The following ADAM29 variants were observed in gnomAD, a reference collection of about 807,000 sequenced individuals.
The protein encoded by ADAM29 is ADAM metallopeptidase domain 29.
For missense variants in ADAM29, 969 were observed against 1,001.8 expected (o/e 0.97, Z 0.44); for synonymous variants, 367 against 342.3 (o/e 1.07, Z -0.80).
intron 4 of ADAM29, among the ~76,000 whole-genome samples, chr4:174,956,687 G>C (rs1745524447): frequency 1.3e-5 from 2 of 151,848 alleles, no homozygotes; most frequent in South Asian, 2.1e-4. Flanking sequence ...TACTAAGCAT[G>C]CTTCATGTGT....
chr4:174,928,432 G>A, intron 2 of ADAM29, among the ~76,000 whole-genome samples: 1 of 151,864 alleles, frequency 6.6e-6, no homozygotes, highest in Non-Finnish European at 1.5e-5. Context: ...AGTGAAGGGG[G>A]GTTTGTCTTT....
At chr4:174,919,142 T>G (rs1050967706) in intron 1 of ADAM29, among the ~76,000 whole-genome samples, 2 of 152,172 alleles carry the variant, frequency 1.3e-5, no homozygotes, top group African/African-American at 2.4e-5. Context: ...ATCCATCTAA[T>G]TACTTGTTTT....
chr4:174,965,484 C>CTATCT (rs1553977726), intron 4 of ADAM29, among the ~76,000 whole-genome samples: 63 of 147,200 alleles, frequency 4.3e-4, no homozygotes, highest in South Asian at 2.2e-3. Flanking sequence ...CTCTATCTAT[C>CTATCT]ATCTATCTAT....
chr4:174,932,526 T>C (rs879591035), intron 3 of ADAM29, among the ~76,000 whole-genome samples: 5 of 152,098 alleles, frequency 3.3e-5, no homozygotes, highest in Non-Finnish European at 5.9e-5. Context: ...ATCCCATTCA[T>C]AGGGCCACAG....
intron 4 of ADAM29, among the ~76,000 whole-genome samples, chr4:174,967,830 C>T (rs1330770641): frequency 2.6e-5 from 4 of 152,126 alleles, no homozygotes; most frequent in Admixed American, 6.6e-5. Context: ...CAAAAACAAT[C>T]GCACAAACTG....
At chr4:174,956,529 AAGAG>A (rs1239378533) in intron 4 of ADAM29, among the ~76,000 whole-genome samples, 4 of 151,380 alleles carry the variant, frequency 2.6e-5, no homozygotes, top group Admixed American at 2.0e-4. Flanking sequence ...AGAGAAAAAA[AAGAG>A]AGAGAATAAT....
rs1746817653 is a variant in ADAM29 at position 174,976,579 on chromosome 4, C to T, written c.1054C>T (p.Pro352Ser). ...TGAGGATACATGTCGTTGTTCACAA[C>T]CTAGATGCATAATGCATGAAGGCAA... ...HDEDTCRCSQ[P>S]RCIMHEGNPP... The change falls in exon 5 of 5, where the codon CCT becomes TCT. Residue 352 changes from proline (P) to serine (S), a missense_variant. Coordinates refer to ENST00000359240, the MANE Select transcript of ADAM29 (RefSeq NM_014269.4). 3 of 1,602,974 alleles carry T rather than the reference C, an allele frequency of 1.9e-6. No individual in the cohort carries two copies. The highest frequency in any genetic ancestry group is 2.2e-5 in the East Asian group (1 of 44,830).
chr4:174,961,745 C>A (rs1418454179), intron 4 of ADAM29, among the ~76,000 whole-genome samples: 1 of 152,038 alleles, frequency 6.6e-6, no homozygotes, highest in Non-Finnish European at 1.5e-5. Context: ...TATATGCTAA[C>A]AGCAATTCTT....
intron 4 of ADAM29, among the ~76,000 whole-genome samples, chr4:174,959,516 T>TTGCCTTTGGGTAGA: frequency 6.6e-6 from 1 of 151,120 alleles, no homozygotes; most frequent in Non-Finnish European, 1.5e-5. Flanking sequence ...AATGAAATAT[T>TTGCCTTTGGGTAGA]TACCCTGCTT....
At chr4:174,938,752 C>T (rs796260503) in intron 4 of ADAM29, among the ~76,000 whole-genome samples, 49 of 152,212 alleles carry the variant, frequency 3.2e-4, no homozygotes, top group African/African-American at 1.1e-3. Context: ...GCTGCCATTA[C>T]AATCTCCACA....
At chr4:174,943,483 G>A (rs143810696) in intron 4 of ADAM29, among the ~76,000 whole-genome samples, 1 of 152,270 alleles carries the variant, frequency 6.6e-6, no homozygotes, top group African/African-American at 2.4e-5. Context: ...GAAGGCAAAG[G>A]GGAAGCAAGT....
At chr4:174,918,546 G>A (rs1742992244) in intron 1 of ADAM29, 75 bp downstream of exon 1, 2 of 152,022 alleles carry the variant, frequency 1.3e-5, no homozygotes, top group African/African-American at 4.8e-5. Flanking sequence ...TCATACTTCT[G>A]GGCATAGATT....
At chr4:174,931,695 G>A (rs1197781671) in intron 3 of ADAM29, among the ~76,000 whole-genome samples, 1 of 151,960 alleles carries the variant, frequency 6.6e-6, no homozygotes, top group African/African-American at 2.4e-5. Context: ...CTTACACTGA[G>A]AATACCTTAA....
intron 4 of ADAM29, among the ~76,000 whole-genome samples, chr4:174,958,948 T>C (rs956322135): frequency 2.7e-5 from 4 of 150,890 alleles, no homozygotes; most frequent in African/African-American, 9.8e-5. Flanking sequence ...GTCATCATTA[T>C]TTTACTTACT....
intron 4 of ADAM29, among the ~76,000 whole-genome samples, chr4:174,956,761 A>T (rs1168708993): frequency 6.6e-6 from 1 of 151,844 alleles, no homozygotes; most frequent in African/African-American, 2.4e-5. Flanking sequence ...TACAGGTCCT[A>T]GGTAATTAGC....
intron 4 of ADAM29, among the ~76,000 whole-genome samples, chr4:174,946,607 A>T (rs893287549): frequency 6.6e-6 from 1 of 152,054 alleles, no homozygotes; most frequent in Non-Finnish European, 1.5e-5. Flanking sequence ...GGTTTTTCCC[A>T]TTCACTGTGA....
In ADAM29 at chr4:174,977,388, G is replaced by A. The variant is rs1341054343; in HGVS notation, c.1863G>A (p.Leu621=). ...GGCACTGTGTCCATATAACCATCTT[G>A]AATAGTAATTGCTCACCTGCATTTT... ...IHRHCVHITI[L]NSNCSPAFCN... Residue 621 remains leucine (L), a synonymous_variant, in exon 5 of 5, where the codon TTG becomes TTA. Transcript: ENST00000359240. 1 of 1,613,920 alleles carries A rather than the reference G, an allele frequency of 6.2e-7. No homozygotes were observed. The highest frequency in any genetic ancestry group is 1.1e-5 in the South Asian group (1 of 91,082).
At chr4:174,958,245 G>A (rs201472835) in intron 4 of ADAM29, among the ~76,000 whole-genome samples, 1 of 151,104 alleles carries the variant, frequency 6.6e-6, no homozygotes, top group Non-Finnish European at 1.5e-5. Context: ...TACTGATGGG[G>A]GGGTGGGGAA....
chr4:174,940,319 G>A (rs1008562572), intron 4 of ADAM29, among the ~76,000 whole-genome samples: 1 of 152,072 alleles, frequency 6.6e-6, no homozygotes, highest in Non-Finnish European at 1.5e-5. Context: ...CTTATTTAGA[G>A]TTATTTATGT....
Sources: gnomAD v4.1 joint callset for allele counts (sites outside exome capture counted in the v4.1 genomes callset) on GRCh38, gnomAD v4.1.1 for gene constraint, MANE v1.5 for transcripts, NCBI Gene and HGNC (gene_info 2026-07-23, HGNC 2026-07-21) for gene names.